SLC24A2: variants seen among roughly 807,000 people sequenced by gnomAD.
SLC24A2 encodes sodium/potassium/calcium exchanger 2.
Under a neutral mutation model 62.0 loss-of-function variants are expected in SLC24A2, and 36 were observed. The observed-to-expected ratio is 0.58, with a 90% CI of 0.44 to 0.77. The LOEUF is 0.77. Among genes scored for constraint, SLC24A2 ranks in the 30% least tolerant of loss-of-function variants. The probability of loss-of-function intolerance (pLI) is 0.00; values close to 1 mark genes in which losing one functional copy is unlikely to be tolerated. For synonymous variants in SLC24A2, 358 were observed against 294.0 expected (o/e 1.22, Z -2.23); for missense variants, 846 against 817.9 (o/e 1.03, Z -0.42).
chr9:19,933,116 AG>A, the SLC24A2 span, among the ~76,000 whole-genome samples: 1 of 152,212 alleles, frequency 6.6e-6, no homozygotes, highest in African/African-American at 2.4e-5. Flanking sequence ...CCCAGGTTCT[AG>A]GAGCAGAACC....
chr9:19,686,565 C>T (rs958133246), intron 2 of SLC24A2, among the ~76,000 whole-genome samples: 8 of 152,140 alleles, frequency 5.3e-5, no homozygotes, highest in East Asian at 3.9e-4. Context: ...AATCATGGGG[C>T]GGTTACCTTC....
At chr9:19,853,696 G>A in the SLC24A2 span, among the ~76,000 whole-genome samples, 5 of 152,096 alleles carry the variant, frequency 3.3e-5, no homozygotes, top group Non-Finnish European at 5.9e-5. Flanking sequence ...TTATGTGCTG[G>A]TGGATTTGAT....
At chr9:20,047,405 G>A in the SLC24A2 span, among the ~76,000 whole-genome samples, 1 of 151,756 alleles carries the variant, frequency 6.6e-6, no homozygotes, top group African/African-American at 2.4e-5. Flanking sequence ...TCAGAGTCAG[G>A]TTAAATGTCA....
At chr9:20,186,154 G>A in the SLC24A2 span, among the ~76,000 whole-genome samples, 2 of 151,998 alleles carry the variant, frequency 1.3e-5, no homozygotes, top group Admixed American at 1.3e-4. Flanking sequence ...GTAATAGGGG[G>A]GACTCTTTAG....
At chr9:20,135,667 C>A in the SLC24A2 span, among the ~76,000 whole-genome samples, 1 of 152,110 alleles carries the variant, frequency 6.6e-6, no homozygotes, top group African/African-American at 2.4e-5. Context: ...TACAACTACA[C>A]AGAAATCTAT....
chr9:19,875,109 A>G, the SLC24A2 span, among the ~76,000 whole-genome samples: 1 of 151,642 alleles, frequency 6.6e-6, no homozygotes, highest in Non-Finnish European at 1.5e-5. Context: ...ACTCTTGCCT[A>G]TGGGCAAAAG....
chr9:19,941,590 T>TGA, the SLC24A2 span, among the ~76,000 whole-genome samples: 760 of 127,956 alleles, frequency 5.9e-3, 4 homozygotes, highest in South Asian at 0.026. Flanking sequence ...TGTGTGTGTG[T>TGA]GAGAGAGAGA....
At chr9:19,773,508 G>C (rs2118901094) in intron 2 of SLC24A2, among the ~76,000 whole-genome samples, 1 of 152,250 alleles carries the variant, frequency 6.6e-6, no homozygotes, top group Non-Finnish European at 1.5e-5. Context: ...TTCATAAGTA[G>C]GAAATTAGTC....
At chr9:19,806,706 C>G in the SLC24A2 span, among the ~76,000 whole-genome samples, 1 of 152,090 alleles carries the variant, frequency 6.6e-6, no homozygotes, top group Non-Finnish European at 1.5e-5. Context: ...CTGGTTTCTT[C>G]TAGTCATTTA....
At chr9:20,283,761 G>T in the SLC24A2 span, among the ~76,000 whole-genome samples, 1 of 142,426 alleles carries the variant, frequency 7.0e-6, no homozygotes, top group African/African-American at 2.5e-5. Flanking sequence ...AGGGGGGGGG[G>T]GGCTTTAATC....
the SLC24A2 span, among the ~76,000 whole-genome samples, chr9:20,069,408 A>T: frequency 1.9e-4 from 29 of 152,312 alleles, no homozygotes; most frequent in African/African-American, 6.0e-4. Context: ...TTGGCTATTT[A>T]AAAAATATTT....
chr9:19,689,780 T>G (rs1819989742), intron 2 of SLC24A2, among the ~76,000 whole-genome samples: 1 of 152,130 alleles, frequency 6.6e-6, no homozygotes, highest in African/African-American at 2.4e-5. Context: ...TAATTTTAAG[T>G]GATACATAAA....
At chr9:19,583,375 T>C (rs564999173) in intron 5 of SLC24A2, among the ~76,000 whole-genome samples, 1 of 152,348 alleles carries the variant, frequency 6.6e-6, no homozygotes, top group South Asian at 2.1e-4. Flanking sequence ...CCAGCATTTC[T>C]TATCCCAGGT....
the SLC24A2 span, among the ~76,000 whole-genome samples, chr9:20,161,130 A>G: frequency 6.6e-6 from 1 of 151,438 alleles, no homozygotes; most frequent in African/African-American, 2.4e-5. Context: ...TTAAATTTGA[A>G]AACTTAGATT....
chr9:19,565,709 AAACTATACTAC>A (rs1333930885), intron 7 of SLC24A2, among the ~76,000 whole-genome samples: 1 of 152,318 alleles, frequency 6.6e-6, no homozygotes, highest in East Asian at 1.9e-4. Flanking sequence ...ACCTGACTTC[AAACTATACTAC>A]AAGGCTACAG....
the SLC24A2 span, among the ~76,000 whole-genome samples, chr9:20,153,722 A>G: frequency 1.3e-5 from 2 of 151,976 alleles, no homozygotes; most frequent in Non-Finnish European, 2.9e-5. Context: ...AGCTTCAAAC[A>G]AACGAACACA....
the SLC24A2 span, among the ~76,000 whole-genome samples, chr9:20,088,564 G>A: frequency 6.6e-6 from 1 of 152,184 alleles, no homozygotes; most frequent in Non-Finnish European, 1.5e-5. Flanking sequence ...TCCTGGGACT[G>A]TGTTCCCAAA....
chr9:19,807,451 A>G, the SLC24A2 span, among the ~76,000 whole-genome samples: 1 of 152,236 alleles, frequency 6.6e-6, no homozygotes. Flanking sequence ...AAGAAAAAGT[A>G]CAACAGTGGA....
rs1803527225 is a variant in SLC24A2 at position 19,512,683 on chromosome 9, G to A, written c.*3470C>T. On this transcript the variant is annotated 3_prime_UTR_variant, in exon 11 of 11. Coordinates refer to ENST00000341998, the MANE Select transcript of SLC24A2 (RefSeq NM_020344.4). ...GAGGGTAGGCGGTGACAGCAAGCAA[G>A]ACCTGCTCGGTTTGCTGTGAATAAA... 6.6e-6 allele frequency: 1 copy of A among 152,182 alleles called. No homozygotes were observed. The highest frequency in any genetic ancestry group is 6.5e-5 in the Admixed American group (1 of 15,282). 9.4% of individuals were successfully genotyped at this position (152,182 alleles called of 1,614,324 possible). A position where few individuals can be genotyped will look rare whatever the true frequency, so the allele number is the denominator to read the frequency against.
Sources: gnomAD v4.1 joint callset for allele counts (sites outside exome capture counted in the v4.1 genomes callset) on GRCh38, gnomAD v4.1.1 for gene constraint, MANE v1.5 for transcripts, NCBI Gene and HGNC (gene_info 2026-07-23, HGNC 2026-07-21) for gene names.